C12orf42: variants seen among roughly 807,000 people sequenced by gnomAD.
C12orf42 encodes the protein uncharacterized protein C12orf42.
Under a neutral mutation model 21.6 loss-of-function variants are expected in C12orf42, and 25 were observed. The ratio of observed to expected loss-of-function variants is 1.16; its 90% confidence interval spans 0.84 to 1.62. The LOEUF is 1.62. Ranked by LOEUF, C12orf42 falls within the 40% of genes most tolerant of loss-of-function variation. The pLI is 0.00. For synonymous variants in C12orf42, 174 were observed against 175.0 expected, an observed-to-expected ratio of 0.99 and a Z score of 0.05; for missense variants, 483 against 459.3, an observed-to-expected ratio of 1.05 and a Z score of -0.47.
the C12orf42 span, among the ~76,000 whole-genome samples, chr12:103,511,062 C>T: frequency 6.6e-6 from 1 of 152,182 alleles, no homozygotes; most frequent in South Asian, 2.1e-4. Flanking sequence ...AAGAGGTATG[C>T]AGGTGAGGTT....
At chr12:103,219,706 A>G in the C12orf42 span, among the ~76,000 whole-genome samples, 3 of 152,212 alleles carry the variant, frequency 2.0e-5, no homozygotes. Flanking sequence ...CAAAACCACA[A>G]TGAGATACCA....
At chr12:103,115,909 G>A in the C12orf42 span, among the ~76,000 whole-genome samples, 1 of 152,202 alleles carries the variant, frequency 6.6e-6, no homozygotes, top group South Asian at 2.1e-4. Context: ...CAGTCATGGG[G>A]TGCTTTGGAC....
At position 103,492,106 on chromosome 12, in the gene C12orf42, G is replaced by A. The variant is rs568980719; in HGVS notation, c.-22+3796C>T. On this transcript the variant is annotated intron_variant, in intron 1 of 5. Coordinates refer to ENST00000548883, the MANE Select transcript of C12orf42 (RefSeq NM_198521.5). ...TGAGTAGCCGGGATTACAGGCGTGC[G>A]CAACTACGCCCAGCTAATTTTTATA... Among the ~76,000 whole-genome samples, 18 of 152,214 alleles carry A rather than the reference G, an allele frequency of 1.2e-4. 1 individual carries two copies. Among genetic ancestry groups the A allele is most frequent in the East Asian group, 1.9e-4 (1 of 5,176 alleles).
chr12:103,166,039 CA>C, the C12orf42 span, among the ~76,000 whole-genome samples: 7 of 136,396 alleles, frequency 5.1e-5, no homozygotes, highest in Admixed American at 7.3e-5. Context: ...GACTCCGTCT[CA>C]AAAAAAAAAG....
rs146931912 is a variant in C12orf42 at position 103,434,442 on chromosome 12, G to A, written c.79-32767C>T. On this transcript the variant is annotated intron_variant, in intron 2 of 5. Transcript: ENST00000548883. ...ACAGCTCCGGTCTACAGCTCCCAGC[G>A]TGAGGGACGCAGAGGACGGGTGATT... Among the ~76,000 whole-genome samples, 46 of 152,330 alleles carry A rather than the reference G, an allele frequency of 3.0e-4. No individual in the cohort carries two copies. In the East Asian group the frequency reaches 7.9e-3, roughly 26 times the overall value.
intron 2 of C12orf42, among the ~76,000 whole-genome samples, chr12:103,428,898 G>A (rs1010816104): frequency 3.4e-5 from 3 of 89,526 alleles, no homozygotes; most frequent in Non-Finnish European, 8.6e-5. Flanking sequence ...TGCAGACAAG[G>A]CCTTTAATAA....
At chr12:103,296,539 T>C (rs2037300683) in intron 4 of C12orf42, among the ~76,000 whole-genome samples, 1 of 152,224 alleles carries the variant, frequency 6.6e-6, no homozygotes, top group African/African-American at 2.4e-5. Flanking sequence ...TCCTGACTTT[T>C]TAATGATCGC....
At chr12:103,356,152 G>A (rs181693746) in intron 4 of C12orf42, among the ~76,000 whole-genome samples, 37 of 152,082 alleles carry the variant, frequency 2.4e-4, no homozygotes, top group African/African-American at 8.9e-4. Flanking sequence ...TACCTTTCTA[G>A]GTCACATGGC....
chr12:103,223,153 TAAAAC>T, the C12orf42 span, among the ~76,000 whole-genome samples: 2 of 152,008 alleles, frequency 1.3e-5, no homozygotes, highest in East Asian at 1.9e-4. Context: ...ATAAGAAAAA[TAAAAC>T]AAAATAGTGT....
intron 1 of C12orf42, among the ~76,000 whole-genome samples, chr12:103,480,919 A>T (rs1306912977): frequency 6.6e-6 from 1 of 151,662 alleles, no homozygotes; most frequent in Non-Finnish European, 1.5e-5. Flanking sequence ...TTATGTTCAA[A>T]TCATCTATAT....
chr12:103,058,246 T>C, the C12orf42 span, among the ~76,000 whole-genome samples: 2 of 152,146 alleles, frequency 1.3e-5, no homozygotes, highest in Non-Finnish European at 2.9e-5. Context: ...TGAGCCACCT[T>C]GCCCGGCCGA....
At chr12:103,260,113 A>C (rs2034821101) in intron 10 of C12orf42, among the ~76,000 whole-genome samples, 1 of 152,358 alleles carries the variant, frequency 6.6e-6, no homozygotes, top group South Asian at 2.1e-4. Context: ...AAAATTGTAC[A>C]ATCTGAATTA....
the C12orf42 span, among the ~76,000 whole-genome samples, chr12:103,508,720 C>A: frequency 6.6e-6 from 1 of 152,142 alleles, no homozygotes; most frequent in Non-Finnish European, 1.5e-5. Flanking sequence ...TTCCTTTGTG[C>A]AACATAGTAT....
chr12:103,390,863 C>T (rs2047017111), intron 3 of C12orf42, among the ~76,000 whole-genome samples: 1 of 152,148 alleles, frequency 6.6e-6, no homozygotes, highest in African/African-American at 2.4e-5. Context: ...AGATGATGCC[C>T]ACCCCCATTG....
the C12orf42 span, among the ~76,000 whole-genome samples, chr12:103,142,220 A>G: frequency 6.6e-6 from 1 of 152,174 alleles, no homozygotes; most frequent in East Asian, 1.9e-4. Context: ...ACTAAAATTA[A>G]TGAGATTGTT....
chr12:103,298,342 A>G (rs1287881482), downstream of C12orf42, among the ~76,000 whole-genome samples: 2 of 152,114 alleles, frequency 1.3e-5, no homozygotes, highest in Non-Finnish European at 2.9e-5. Context: ...TCATGAGTGA[A>G]CTCCCATTCG....
At chr12:103,165,194 A>G in the C12orf42 span, among the ~76,000 whole-genome samples, 3 of 152,238 alleles carry the variant, frequency 2.0e-5, no homozygotes, top group Non-Finnish European at 4.4e-5. Context: ...AATGACCTGC[A>G]TTGGCCAATC....
intron 4 of C12orf42, among the ~76,000 whole-genome samples, chr12:103,343,056 C>T (rs1003891492): frequency 4.6e-5 from 7 of 152,126 alleles, no homozygotes; most frequent in South Asian, 2.1e-4. Context: ...TGGAATAATT[C>T]GTTTTCAAAA....
intron 4 of C12orf42, among the ~76,000 whole-genome samples, chr12:103,354,958 C>A (rs1022175517): frequency 6.6e-6 from 1 of 152,020 alleles, no homozygotes; most frequent in Non-Finnish European, 1.5e-5. Flanking sequence ...GATGGATAAG[C>A]TAATTACCCT....
Sources: allele counts gnomAD v4.1 joint callset (sites outside exome capture counted in the v4.1 genomes callset), GRCh38; gene constraint gnomAD v4.1.1; transcripts MANE v1.5; gene names NCBI Gene and HGNC (gene_info 2026-07-23, HGNC 2026-07-21).